The following SCAPER variants were observed in gnomAD, a reference collection of about 807,000 sequenced individuals.
The protein encoded by SCAPER is S-phase cyclin A associated protein in the ER.
Under a neutral mutation model 182.2 loss-of-function variants are expected in SCAPER, and 98 were observed. The observed-to-expected ratio is 0.54, with a 90% confidence interval of 0.46 to 0.64. The LOEUF (loss-of-function observed/expected upper bound fraction) is 0.64, where lower values mean the gene tolerates loss of function less well. SCAPER is among the 30% of genes least tolerant of loss of function. SCAPER has a pLI of 0.00. For missense variants in SCAPER, 1,432 were observed against 1,690.0 expected (o/e 0.85, Z 2.68); for synonymous variants, 605 against 564.6 (o/e 1.07, Z -1.01).
intron 21 of SCAPER, among the ~76,000 whole-genome samples, chr15:76,649,445 C>A (rs1314168099): frequency 1.3e-5 from 2 of 151,236 alleles, no homozygotes; most frequent in African/African-American, 4.9e-5. Context: ...CCCACCACCA[C>A]CCCCAAAAAA....
At position 76,883,669 on chromosome 15, in the gene SCAPER, C is replaced by T. The variant is rs868027841; in HGVS notation, c.6+143G>A. Reference sequence around the variant, plus strand: ...CTAAGGTTGAATAGTACATTCATAGCTGCTCACTTTATCACTGTGCTTTAT... The same window carrying T: ...CTAAGGTTGAATAGTACATTCATAGTTGCTCACTTTATCACTGTGCTTTAT... On this transcript the variant is annotated intron_variant, in intron 2 of 31. Transcript: ENST00000563290. 8.8e-5 allele frequency: 62 copies of T among 708,512 alleles called. 2 individuals carry two copies. The South Asian group carries it at 1.3e-3, about 15-fold the overall frequency. 43.9% of individuals were successfully genotyped at this position (708,512 alleles called of 1,614,324 possible).
chr15:76,379,046 T>C (rs911035306), intron 28 of SCAPER, among the ~76,000 whole-genome samples: 1 of 152,198 alleles, frequency 6.6e-6, no homozygotes, highest in African/African-American at 2.4e-5. Flanking sequence ...TCAGAAATAA[T>C]TGTTTCCCCC....
chr15:76,348,672 T>G lies in SCAPER; in HGVS notation c.4164A>C (p.Glu1388Asp). 6.4e-7 allele frequency: 1 copy of G among 1,554,814 alleles called. No homozygotes were observed. The highest frequency in any genetic ancestry group is 8.7e-7 in the Non-Finnish European group (1 of 1,147,994). ...LANRFPQQAW[E>D]EARQFFLKKE... ...TTTTCAAGAAAAACTGTCGAGCTTC[T>G]TCCCAGGCCTGCTGAGGAAATCTGT... The change falls in exon 32 of 32, where the codon GAA becomes GAC. Residue 1388 changes from glutamate (E) to aspartate (D), a missense_variant. By Grantham distance (45) the Glu-to-Asp change is conservative. This residue lies in a region of SCAPER where 718 missense variants were observed against 799.7 expected (regional missense o/e 0.90). Coordinates refer to ENST00000563290, the MANE Select transcript of SCAPER (RefSeq NM_020843.4).
At chr15:76,513,262 T>C (rs1288660631) in intron 23 of SCAPER, among the ~76,000 whole-genome samples, 5 of 152,140 alleles carry the variant, frequency 3.3e-5, no homozygotes, top group African/African-American at 1.2e-4. Flanking sequence ...ACAGTAAAAA[T>C]GTTCTGTGAG....
At chr15:76,748,104 C>A (rs1185254372) in intron 15 of SCAPER, among the ~76,000 whole-genome samples, 1 of 151,706 alleles carries the variant, frequency 6.6e-6, no homozygotes, top group Non-Finnish European at 1.5e-5. Flanking sequence ...CATTCTCCTG[C>A]CTCAGCCTCC....
chr15:76,475,333 A>ATT (rs71143329), intron 24 of SCAPER, among the ~76,000 whole-genome samples: 83 of 149,144 alleles, frequency 5.6e-4, no homozygotes, highest in Non-Finnish European at 7.9e-4. Flanking sequence ...CTAGCCTTTA[A>ATT]TTTTTTTTTT....
chr15:76,552,331 C>G (rs2045846622), intron 23 of SCAPER, among the ~76,000 whole-genome samples: 1 of 152,120 alleles, frequency 6.6e-6, no homozygotes, highest in South Asian at 2.1e-4. Context: ...CAAGTAGACA[C>G]ACCCGGCAGG....
intron 26 of SCAPER, among the ~76,000 whole-genome samples, chr15:76,405,383 C>T (rs746770455): frequency 4.6e-5 from 7 of 152,002 alleles, no homozygotes; most frequent in Non-Finnish European, 1.0e-4. Context: ...TCCTAAAGTG[C>T]TACAATTACA....
intron 5 of SCAPER, among the ~76,000 whole-genome samples, chr15:76,833,648 C>T (rs1035093597): frequency 1.1e-4 from 16 of 151,974 alleles, no homozygotes; most frequent in Non-Finnish European, 1.9e-4. Context: ...ACCACAGACT[C>T]AAAGTAAAGG....
At chr15:76,684,003 C>T (rs1035303905) in intron 20 of SCAPER, among the ~76,000 whole-genome samples, 13 of 152,100 alleles carry the variant, frequency 8.5e-5, no homozygotes, top group African/African-American at 2.9e-4. Context: ...AGACCCTTTT[C>T]AGACAAACAA....
intron 7 of SCAPER, among the ~76,000 whole-genome samples, chr15:76,796,416 T>C (rs2065332979): frequency 6.6e-6 from 1 of 152,210 alleles, no homozygotes; most frequent in South Asian, 2.1e-4. Context: ...ATTTTAATGG[T>C]CTACTTAATA....
chr15:76,884,353 G>A (rs2073733352), intron 1 of SCAPER, among the ~76,000 whole-genome samples: 2 of 152,172 alleles, frequency 1.3e-5, no homozygotes, highest in Non-Finnish European at 2.9e-5. Context: ...CCTTAAGAAT[G>A]TTCATAAACT....
At chr15:76,809,510 GA>G (rs1253474118) in intron 5 of SCAPER, among the ~76,000 whole-genome samples, 2 of 151,946 alleles carry the variant, frequency 1.3e-5, no homozygotes, top group African/African-American at 2.4e-5. Flanking sequence ...AGATTAAGCA[GA>G]AAAAGGATCA....
At chr15:76,834,686 G>T (rs2068781792) in intron 5 of SCAPER, among the ~76,000 whole-genome samples, 1 of 151,900 alleles carries the variant, frequency 6.6e-6, no homozygotes, top group African/African-American at 2.4e-5. Flanking sequence ...AAAAAAGATT[G>T]AAATAAACAC....
In SCAPER at chr15:76,348,612, A is replaced by C. The variant is rs2040323604; in HGVS notation, c.*21T>G. ...TTAAAATATTAACAAGGGTACTCAAATACAGAATCAACCAAAACATTTATT... is the reference window on the plus strand; with the variant it reads ...TTAAAATATTAACAAGGGTACTCAACTACAGAATCAACCAAAACATTTATT... On this transcript the variant is annotated 3_prime_UTR_variant, in exon 32 of 32. Transcript: ENST00000563290. 3 of 1,462,506 alleles carry C rather than the reference A, an allele frequency of 2.1e-6. No homozygotes were observed. In the Admixed American group the frequency reaches 6.7e-5, roughly 33 times the overall value. 90.6% of individuals were successfully genotyped at this position (1,462,506 alleles called of 1,614,324 possible).
chr15:76,702,973 T>C lies in SCAPER; in HGVS notation c.2277A>G (p.Glu759=), dbSNP rs775857671. 8 of 1,591,294 alleles carry C rather than the reference T, an allele frequency of 5.0e-6. No individual in the cohort carries two copies. The South Asian group carries it at 9.4e-5, about 19-fold the overall frequency. The change falls in exon 19 of 32, where the codon GAA becomes GAG. Residue 759 remains glutamate (E), a synonymous_variant. Transcript: ENST00000563290. ...CTTTTTCTTTTCTTTGTTCAATCTG[T>C]TCCATGTGCCTTCGAATACTTTCAT... ...KHDESIRRHM[E]QIEQRKEKAA... is the part of the protein sequence containing the mutation.
chr15:76,399,992 G>A (rs374292697), intron 27 of SCAPER, among the ~76,000 whole-genome samples: 5 of 139,788 alleles, frequency 3.6e-5, no homozygotes, highest in East Asian at 4.0e-4. Context: ...GCGACAGAGC[G>A]AGACTCCGTC....
intron 1 of SCAPER, among the ~76,000 whole-genome samples, chr15:76,894,785 C>G (rs2074341343): frequency 6.6e-6 from 1 of 151,974 alleles, no homozygotes; most frequent in Admixed American, 6.6e-5. Flanking sequence ...GAATAACTTA[C>G]AGAAAATAAG....
At chr15:76,699,385 T>A (rs921889877) in intron 20 of SCAPER, among the ~76,000 whole-genome samples, 2 of 152,194 alleles carry the variant, frequency 1.3e-5, no homozygotes, top group African/African-American at 4.8e-5. Flanking sequence ...TCCACTATGA[T>A]GTTGGCTGTG....
Sources: allele counts gnomAD v4.1 joint callset (sites outside exome capture counted in the v4.1 genomes callset), GRCh38; gene constraint gnomAD v4.1.1; regional missense constraint gnomAD v4.1.1; transcripts MANE v1.5; gene names NCBI Gene and HGNC (gene_info 2026-07-23, HGNC 2026-07-21).